Variants in SULT1B1 observed in about 807,000 individuals in gnomAD.
SULT1B1 encodes sulfotransferase 1B1.
Under a neutral mutation model 34.6 loss-of-function variants are expected in SULT1B1, and 28 were observed. The ratio of observed to expected loss-of-function variants is 0.81; its 90% CI spans 0.60 to 1.11. The LOEUF (loss-of-function observed/expected upper bound fraction) is 1.11, where lower values mean the gene tolerates loss of function less well. SULT1B1 is among the 50% of genes least tolerant of loss of function. SULT1B1 has a pLI of 0.00. For missense variants in SULT1B1, 374 were observed against 352.2 expected, an observed-to-expected ratio of 1.06 and a Z score of -0.50; for synonymous variants, 147 against 110.2, an observed-to-expected ratio of 1.33 and a Z score of -2.09.
intron 4 of SULT1B1, among the ~76,000 whole-genome samples, chr4:69,735,041 A>G (rs896821268): frequency 1.3e-4 from 20 of 152,104 alleles, no homozygotes; most frequent in Admixed American, 1.1e-3. Flanking sequence ...GATGGTCTCG[A>G]TCTCCTGAGC....
chr4:69,733,011 A>T (rs1718142458), intron 6 of SULT1B1, among the ~76,000 whole-genome samples: 1 of 152,140 alleles, frequency 6.6e-6, no homozygotes, highest in Admixed American at 6.5e-5. Flanking sequence ...GCAGGCACAG[A>T]TAAGGGATGA....
At chr4:69,728,492 A>G (rs1333532259) in intron 7 of SULT1B1, among the ~76,000 whole-genome samples, 1 of 152,050 alleles carries the variant, frequency 6.6e-6, no homozygotes, top group Non-Finnish European at 1.5e-5. Context: ...CTTGCACTAC[A>G]TTGTGAGCTT....
In SULT1B1 at chr4:69,726,060, A is replaced by G. The variant is rs1176882171; in HGVS notation, c.*1028T>C. On this transcript the variant is annotated 3_prime_UTR_variant, in exon 8 of 8. Coordinates refer to ENST00000310613, the MANE Select transcript of SULT1B1 (RefSeq NM_014465.4). ...TATATATATATATATATATATATAT[A>G]TATATATATATATATATATATAAAT... The G allele has an allele frequency of 1.0e-5, 1 of 97,530 alleles. No individual in the cohort carries two copies. The highest frequency in any genetic ancestry group is 2.1e-5 in the Non-Finnish European group (1 of 48,026). The allele number at this position is 97,530 out of a possible 1,614,324, so 6.0% of individuals were successfully genotyped here. A position where few individuals can be genotyped will look rare whatever the true frequency, so the allele number is the denominator to read the frequency against.
At chr4:69,758,365 A>T in intron 1 of SULT1B1, 8 of 985,440 alleles carry the variant, frequency 8.1e-6, no homozygotes, top group Non-Finnish European at 9.6e-6. Context: ...AAGGAATCAG[A>T]GTCCACAGAA....
At position 69,726,602 on chromosome 4, in the gene SULT1B1, T is replaced by C. The variant is rs1219127300; in HGVS notation, c.*486A>G. The C allele has an allele frequency of 6.6e-6, 1 of 152,110 alleles. No homozygotes were observed. The highest frequency in any genetic ancestry group is 1.5e-5 in the Non-Finnish European group (1 of 68,044). 9.4% of individuals were successfully genotyped at this position (152,110 alleles called of 1,614,324 possible). On this transcript the variant is annotated 3_prime_UTR_variant, in exon 8 of 8. Coordinates refer to ENST00000310613, the MANE Select transcript of SULT1B1 (RefSeq NM_014465.4). ...AGAGGCACTGCAGGAAGATGAGCTA[T>C]GACTCAGAGAACAACTTGAAACTCG...
At chr4:69,736,546 C>T (rs1578052261) in intron 4 of SULT1B1, among the ~76,000 whole-genome samples, 1 of 151,602 alleles carries the variant, frequency 6.6e-6, no homozygotes, top group Non-Finnish European at 1.5e-5. Context: ...TTATGAGGCT[C>T]CTATTCACAC....
chr4:69,731,531 C>A (rs945182339), intron 6 of SULT1B1, among the ~76,000 whole-genome samples: 1 of 152,154 alleles, frequency 6.6e-6, no homozygotes, highest in African/African-American at 2.4e-5. Flanking sequence ...ATCTGTTATT[C>A]TTTTACCTCA....
At chr4:69,728,518 T>C (rs1356430657) in intron 7 of SULT1B1, among the ~76,000 whole-genome samples, 3 of 152,068 alleles carry the variant, frequency 2.0e-5, no homozygotes, top group Non-Finnish European at 4.4e-5. Context: ...GTCAAAGATA[T>C]GTATCATTTA....
intron 7 of SULT1B1, 103 bp downstream of exon 7, chr4:69,730,398 T>A: frequency 9.2e-7 from 1 of 1,085,072 alleles, no homozygotes; most frequent in African/African-American, 1.6e-5. Context: ...CTATAAAGCT[T>A]AAACAGGCTA....
At chr4:69,735,902 C>T (rs1718291380) in intron 4 of SULT1B1, among the ~76,000 whole-genome samples, 1 of 152,178 alleles carries the variant, frequency 6.6e-6, no homozygotes, top group African/African-American at 2.4e-5. Flanking sequence ...CAGGTGAGCA[C>T]TCACAGTACC....
intron 1 of SULT1B1, among the ~76,000 whole-genome samples, chr4:69,757,245 CAT>C (rs1377040124): frequency 2.9e-4 from 44 of 152,172 alleles, no homozygotes; most frequent in African/African-American, 9.4e-4. Flanking sequence ...AATTTAATAA[CAT>C]ATAACATGTT....
chr4:69,729,257 T>C (rs546559197), intron 7 of SULT1B1, among the ~76,000 whole-genome samples: 12 of 152,080 alleles, frequency 7.9e-5, no homozygotes, highest in Non-Finnish European at 1.2e-4. Context: ...TTCACTTATA[T>C]GCAGTTTTTT....
At chr4:69,757,870 A>C (rs1480348220) in intron 1 of SULT1B1, among the ~76,000 whole-genome samples, 1 of 152,190 alleles carries the variant, frequency 6.6e-6, no homozygotes, top group Non-Finnish European at 1.5e-5. Flanking sequence ...AGGCCTCAAA[A>C]ACCTGAAATA....
At chr4:69,759,363 G>C (rs564625080) in intron 1 of SULT1B1, among the ~76,000 whole-genome samples, 145 of 152,302 alleles carry the variant, frequency 9.5e-4, no homozygotes, top group Non-Finnish European at 1.8e-3. Flanking sequence ...ATTCAAACAA[G>C]AGTATTTACA....
chr4:69,728,263 C>T (rs1327888421), intron 7 of SULT1B1, among the ~76,000 whole-genome samples: 1 of 152,036 alleles, frequency 6.6e-6, no homozygotes, highest in Admixed American at 6.6e-5. Context: ...TATACGCAAA[C>T]ACATTTACTT....
intron 4 of SULT1B1, among the ~76,000 whole-genome samples, chr4:69,744,501 T>C (rs1306185217): frequency 6.6e-6 from 1 of 152,212 alleles, no homozygotes; most frequent in African/African-American, 2.4e-5. Context: ...CTGCAGCCGA[T>C]GTGATGGCAG....
chr4:69,758,116 G>A (rs1161646221), intron 1 of SULT1B1, among the ~76,000 whole-genome samples: 1 of 152,176 alleles, frequency 6.6e-6, no homozygotes, highest in African/African-American at 2.4e-5. Context: ...AGATTCTCCA[G>A]CATGAAATAC....
At position 69,725,476 on chromosome 4, in the gene SULT1B1, A is replaced by C. The variant is rs973164400; in HGVS notation, c.*1612T>G. On this transcript the variant is annotated 3_prime_UTR_variant, in exon 8 of 8. Transcript: ENST00000310613. ...AAGACAGTGTGGCAATTCCTCAGAG[A>C]TCTAGAACTAGAAATACCATTTGAC... 3 of 152,204 alleles carry C rather than the reference A, an allele frequency of 2.0e-5. No homozygotes were observed. The highest frequency in any genetic ancestry group is 7.2e-5 in the African/African-American group (3 of 41,448). The allele number at this position is 152,204 out of a possible 1,614,324, so 9.4% of individuals were successfully genotyped here. A position where few individuals can be genotyped will look rare whatever the true frequency, so the allele number is the denominator to read the frequency against.
chr4:69,731,973 T>C (rs1277513573), intron 6 of SULT1B1, among the ~76,000 whole-genome samples: 1 of 152,234 alleles, frequency 6.6e-6, no homozygotes, highest in Non-Finnish European at 1.5e-5. Context: ...GCTAAAATTG[T>C]TCTTTTCATA....
Sources: allele counts gnomAD v4.1 joint callset (sites outside exome capture counted in the v4.1 genomes callset), GRCh38; gene constraint gnomAD v4.1.1; transcripts MANE v1.5; gene names NCBI Gene and HGNC (gene_info 2026-07-23, HGNC 2026-07-21).